ZNF212: variants seen among roughly 807,000 people sequenced by gnomAD.
ZNF212 encodes zinc finger protein 212.
Under a neutral mutation model 47.3 loss-of-function variants are expected in ZNF212, and 32 were observed. That is an observed-to-expected ratio of 0.68 (90% confidence interval 0.51 to 0.91). The LOEUF is 0.91. ZNF212 is among the 40% of genes least tolerant of loss of function. The pLI is 0.00. For missense variants in ZNF212, 555 were observed against 622.8 expected, an observed-to-expected ratio of 0.89 and a Z score of 1.16; for synonymous variants, 242 against 253.8, an observed-to-expected ratio of 0.95 and a Z score of 0.44.
chr7:149,245,106 T>G (rs1047284419), intron 1 of ZNF212, among the ~76,000 whole-genome samples: 1 of 152,084 alleles, frequency 6.6e-6, no homozygotes, highest in African/African-American at 2.4e-5. Flanking sequence ...CCTAGCACTT[T>G]GGGAGGCTGA....
At chr7:149,244,578 G>T (rs1376918343) in intron 1 of ZNF212, among the ~76,000 whole-genome samples, 12 of 152,210 alleles carry the variant, frequency 7.9e-5, no homozygotes. Context: ...CTCCCAAAGG[G>T]CTGGAATTAT....
intron 1 of ZNF212, 131 bp downstream of exon 1, chr7:149,239,933 C>G: frequency 9.3e-7 from 1 of 1,077,224 alleles, no homozygotes; most frequent in Non-Finnish European, 1.2e-6. Flanking sequence ...CGCGGGTGAA[C>G]GCGGACCCTC....
chr7:149,243,896 T>C (rs1394238425), intron 1 of ZNF212, among the ~76,000 whole-genome samples: 1 of 152,138 alleles, frequency 6.6e-6, no homozygotes, highest in Non-Finnish European at 1.5e-5. Context: ...ACTTGAAATG[T>C]TAGCTAGTAT....
At position 149,239,743 on chromosome 7, in the gene ZNF212, G is replaced by A. The variant is rs1349069437; in HGVS notation, c.-36G>A. ...GACAGGAACGCAGCACGGGGGCTCC[G>A]AGGCGGGGTCTGGGTGTTGAGGGGC... On this transcript the variant is annotated 5_prime_UTR_variant, in exon 1 of 5. Coordinates refer to ENST00000335870, the MANE Select transcript of ZNF212 (RefSeq NM_012256.4). The A allele has an allele frequency of 3.1e-6, 4 of 1,278,288 alleles. No individual in the cohort carries two copies. The highest frequency in any genetic ancestry group is 3.0e-6 in the Non-Finnish European group (3 of 1,006,290). 79.2% of individuals were successfully genotyped at this position (1,278,288 alleles called of 1,614,324 possible). A position where few individuals can be genotyped will look rare whatever the true frequency, so the allele number is the denominator to read the frequency against.
At chr7:149,251,952 A>AAG (rs1329655381) in intron 3 of ZNF212, among the ~76,000 whole-genome samples, 1 of 151,592 alleles carries the variant, frequency 6.6e-6, no homozygotes, top group Non-Finnish European at 1.5e-5. Flanking sequence ...AAAAAAAAAA[A>AAG]AAAAAAAAAA....
In ZNF212 at chr7:149,250,511, T is replaced by C. The variant is rs758391940; in HGVS notation, c.377T>C (p.Leu126Pro). Residue 126 changes from leucine to proline, a missense_variant, in exon 2 of 5, where the codon CTG (leucine) becomes CCG (proline). Physicochemically the swap from Leu to Pro is moderately conservative, Grantham distance 98 (BLOSUM62 -3). Coordinates refer to ENST00000335870, the MANE Select transcript of ZNF212 (RefSeq NM_012256.4). The part of the protein sequence containing the change: ...NLLRNRNFWI[L>P]RLPPGSKGEA... ...CTGCGCAACAGGAACTTCTGGATCCTGCGGCTGCCCCCGGGCAGCAAGGGG... is the reference window on the plus strand; with the variant it reads ...CTGCGCAACAGGAACTTCTGGATCCCGCGGCTGCCCCCGGGCAGCAAGGGG... The C allele has an allele frequency of 1.2e-6, 2 of 1,613,770 alleles. No individual in the cohort carries two copies. The highest frequency in any genetic ancestry group is 3.3e-5 in the Admixed American group (2 of 60,004).
chr7:149,239,960 T>A (rs1272126596), intron 1 of ZNF212, 158 bp downstream of exon 1: 3 of 838,368 alleles, frequency 3.6e-6, no homozygotes, highest in Non-Finnish European at 4.8e-6. Context: ...GCGACCCCAG[T>A]GCTCTGCCCT....
chr7:149,243,325 G>A (rs759366907), intron 1 of ZNF212, among the ~76,000 whole-genome samples: 13 of 151,682 alleles, frequency 8.6e-5, no homozygotes, highest in East Asian at 3.9e-4. Context: ...CCCAGGAGGC[G>A]GAGGTTGCTG....
Position 149,244,674 on chromosome 7 carries a change from TGAAAAC to T in ZNF212, c.24+4873_24+4878del, listed in dbSNP as rs1425911607. On this transcript the variant is annotated intron_variant, in intron 1 of 4. Transcript: ENST00000335870. ...ATAATATCAAAGTGTAGAGACAAAA[TGAAAAC>T]AAAAGAGAGGAGGCAAAAATAAAAA... Among the ~76,000 whole-genome samples the T allele has an allele frequency of 2.6e-5, 4 of 152,148 alleles. No homozygotes were observed. In the South Asian group the frequency reaches 8.3e-4, roughly 32 times the overall value.
chr7:149,242,841 C>T (rs773914378), intron 1 of ZNF212, among the ~76,000 whole-genome samples: 6 of 152,120 alleles, frequency 3.9e-5, no homozygotes, highest in Non-Finnish European at 2.9e-5. Context: ...GTATGTTTCC[C>T]ATAATTTCTA....
In ZNF212 at chr7:149,254,433, C is replaced by A; in HGVS notation, c.*18C>A. Reference sequence around the variant, plus strand: ...TGCTTTAAGGGTGCAGCCCCTCGCCCGTCTGGGGGATGGAGGGGGGTGGCA... The same window carrying A: ...TGCTTTAAGGGTGCAGCCCCTCGCCAGTCTGGGGGATGGAGGGGGGTGGCA... On this transcript the variant is annotated 3_prime_UTR_variant, in exon 5 of 5. Coordinates refer to ENST00000335870, the MANE Select transcript of ZNF212 (RefSeq NM_012256.4). The surrounding 1 kb of genome is among the most constrained non-coding windows in gnomAD (Gnocchi z 4.5). The A allele has an allele frequency of 6.4e-7, 1 of 1,567,484 alleles. No individual in the cohort carries two copies. The highest frequency in any genetic ancestry group is 8.6e-7 in the Non-Finnish European group (1 of 1,164,666).
rs754345256 is a variant in ZNF212, at chr7:149,253,684, G to A, written c.757G>A (p.Gly253Ser). The A allele has an allele frequency of 6.2e-7, 1 of 1,614,094 alleles. No homozygotes were observed. The highest frequency in any genetic ancestry group is 1.7e-5 in the Admixed American group (1 of 60,006). Residue 253 changes from glycine to serine, a missense_variant, in exon 5 of 5, where the codon GGT (glycine) becomes AGT (serine). Coordinates refer to ENST00000335870, the MANE Select transcript of ZNF212 (RefSeq NM_012256.4). Reference protein sequence around the residue: ...FLSPEQTELWGGQGSSVLLET... With the variant: ...FLSPEQTELWSGQGSSVLLET... Reference sequence around the variant, plus strand: ...GAGCCCAGAGCAGACCGAACTCTGGGGTGGTCAGGGCAGTTCTGTCCTCTT... The same window carrying A: ...GAGCCCAGAGCAGACCGAACTCTGGAGTGGTCAGGGCAGTTCTGTCCTCTT...
chr7:149,252,849 G>T, intron 4 of ZNF212, 54 bp downstream of exon 4: 1 of 1,579,250 alleles, frequency 6.3e-7, no homozygotes, highest in Non-Finnish European at 8.6e-7. Flanking sequence ...GTAGCCTAGA[G>T]TGAGCTTTCC....
At position 149,253,841 on chromosome 7, in the gene ZNF212, G is replaced by C. The variant is rs1453070360; in HGVS notation, c.914G>C (p.Gly305Ala). 6.2e-7 allele frequency: 1 copy of C among 1,613,984 alleles called. No homozygotes were observed. The highest frequency in any genetic ancestry group is 1.1e-5 in the South Asian group (1 of 91,074). ...QVQLDQECGQ[G>A]LKLKKDTSRP... Reference sequence around the variant, plus strand: ...CAGCTGGACCAGGAATGTGGGCAGGGCCTGAAGCTGAAAAAGGACACTTCC... The same window carrying C: ...CAGCTGGACCAGGAATGTGGGCAGGCCCTGAAGCTGAAAAAGGACACTTCC... The change falls in exon 5 of 5, where the codon GGC becomes GCC. Residue 305 changes from glycine to alanine, a missense_variant. Coordinates refer to ENST00000335870, the MANE Select transcript of ZNF212 (RefSeq NM_012256.4).
chr7:149,242,871 C>T (rs542641939), intron 1 of ZNF212, among the ~76,000 whole-genome samples: 13 of 151,692 alleles, frequency 8.6e-5, no homozygotes, highest in Non-Finnish European at 1.3e-4. Flanking sequence ...CTAAACAACT[C>T]GAAATTGGTC....
chr7:149,247,892 T>C lies in ZNF212; in HGVS notation c.25-2267T>C, dbSNP rs1174700218. On this transcript the variant is annotated intron_variant, in intron 1 of 4. Coordinates refer to ENST00000335870, the MANE Select transcript of ZNF212 (RefSeq NM_012256.4). ...AGGTTTAGTTGGCTCACAATTCTGG[T>C]GGCTGGAAAGTTCAAGATTGGGCAG... 2.0e-5 allele frequency among the ~76,000 whole-genome samples: 3 copies of C among 152,220 alleles called. No homozygotes were observed. In the East Asian group the frequency reaches 5.8e-4, roughly 29 times the overall value.
intron 1 of ZNF212, among the ~76,000 whole-genome samples, chr7:149,249,715 C>A (rs1796725967): frequency 6.6e-6 from 1 of 152,210 alleles, no homozygotes; most frequent in African/African-American, 2.4e-5. Flanking sequence ...GTAGCCTCAA[C>A]CTCCTGGGCT....
chr7:149,243,369 G>A (rs1026078271), intron 1 of ZNF212, among the ~76,000 whole-genome samples: 1 of 144,770 alleles, frequency 6.9e-6, no homozygotes, highest in African/African-American at 2.6e-5. Context: ...GGGAGGCAAA[G>A]GTTGCAGTGA....
chr7:149,247,259 G>A lies in ZNF212; in HGVS notation c.25-2900G>A, dbSNP rs190320367. On this transcript the variant is annotated intron_variant, in intron 1 of 4. Coordinates refer to ENST00000335870, the MANE Select transcript of ZNF212 (RefSeq NM_012256.4). ...CAAGTAGCTGGGACTATAGGCACAT[G>A]CCACCACGTCTGGCTCATTTTAAAA... Among the ~76,000 whole-genome samples, 794 of 151,982 alleles carry A rather than the reference G, an allele frequency of 5.2e-3. 2 individuals carry two copies. The highest frequency in any genetic ancestry group is 0.015 in the South Asian group (74 of 4,818).
Sources: gnomAD v4.1 joint callset for allele counts (sites outside exome capture counted in the v4.1 genomes callset) on GRCh38, gnomAD v4.1.1 for gene constraint, Gnocchi (gnomAD v3.1) non-coding constraint, MANE v1.5 for transcripts, NCBI Gene and HGNC (gene_info 2026-07-23, HGNC 2026-07-21) for gene names.